Variants in PCDH9 observed in about 807,000 individuals in gnomAD.
PCDH9 encodes protocadherin 9.
In PCDH9, 24 loss-of-function variants were observed where a neutral mutation model predicts 70.6. The observed-to-expected ratio is 0.34, with a 90% confidence interval of 0.25 to 0.48. The LOEUF is 0.48. PCDH9 is among the 20% of genes least tolerant of loss of function. The probability of loss-of-function intolerance (pLI) is 0.99; values close to 1 mark genes in which losing one functional copy is unlikely to be tolerated. For missense variants in PCDH9, 1,281 were observed against 1,503.6 expected, an observed-to-expected ratio of 0.85 and a Z score of 2.45; for synonymous variants, 562 against 558.5, an observed-to-expected ratio of 1.01 and a Z score of -0.09.
chr13:66,345,833 G>T (rs1050385885), intron 4 of PCDH9, among the ~76,000 whole-genome samples: 1 of 152,054 alleles, frequency 6.6e-6, no homozygotes. Flanking sequence ...AGCAGAACAG[G>T]CTGACTTTAA....
intron 2 of PCDH9, among the ~76,000 whole-genome samples, chr13:66,908,777 T>A (rs2082407305): frequency 6.6e-6 from 1 of 152,170 alleles, no homozygotes. Context: ...TTTTGTTATC[T>A]TTAATCATAA....
intron 2 of PCDH9, among the ~76,000 whole-genome samples, chr13:67,037,458 ATTTTTTGTTTGTTTG>A (rs1489939832): frequency 1.3e-5 from 2 of 152,090 alleles, no homozygotes; most frequent in African/African-American, 2.4e-5. Flanking sequence ...ATTTTAAAGG[ATTTTTTGTTTGTTTG>A]TTTTTTGTTT....
chr13:66,938,259 C>T (rs942658302), intron 2 of PCDH9, among the ~76,000 whole-genome samples: 3 of 151,862 alleles, frequency 2.0e-5, no homozygotes, highest in Non-Finnish European at 4.4e-5. Flanking sequence ...GCTTCTTAAA[C>T]GAAAATAATT....
chr13:67,195,145 ACTTT>A (rs1196826287), intron 2 of PCDH9, among the ~76,000 whole-genome samples: 3 of 150,494 alleles, frequency 2.0e-5, no homozygotes, highest in Non-Finnish European at 4.4e-5. Flanking sequence ...TTATTTTCAT[ACTTT>A]CTTTTTTTTT....
chr13:66,659,539 T>TGTGTGTGTGTGTGTGTG (rs1566487710), intron 3 of PCDH9, among the ~76,000 whole-genome samples: 1 of 30,270 alleles, frequency 3.3e-5, no homozygotes, highest in Non-Finnish European at 6.9e-5. Flanking sequence ...TAAGTTATGT[T>TGTGTGTGTGTGTGTGTG]TGTGTGTGTG....
chr13:66,736,906 C>A (rs1187271083), intron 3 of PCDH9, among the ~76,000 whole-genome samples: 1 of 152,168 alleles, frequency 6.6e-6, no homozygotes, highest in Non-Finnish European at 1.5e-5. Context: ...CCGATTCAAC[C>A]CTTAACTGCC....
Position 66,648,434 on chromosome 13 carries a change from T to C in PCDH9, c.3139-17023A>G, listed in dbSNP as rs1317759441. Among the ~76,000 whole-genome samples the C allele has an allele frequency of 2.0e-5, 3 of 152,242 alleles. No homozygotes were observed. In the East Asian group the frequency reaches 5.8e-4, roughly 29 times the overall value. The stretch of plus-strand genomic sequence containing the variant: ...TTTCTGCCTGTAATCCAGAGAATTC[T>C]TCTGGACCTTATCGTAGACCACCAA... On this transcript the variant is annotated intron_variant, in intron 3 of 4. Transcript: ENST00000377865.
At chr13:66,348,424 G>C (rs1047536471) in intron 4 of PCDH9, among the ~76,000 whole-genome samples, 2 of 149,770 alleles carry the variant, frequency 1.3e-5, no homozygotes, top group African/African-American at 4.9e-5. Context: ...TTGAGACAGA[G>C]TCTCAGCCTG....
intron 3 of PCDH9, among the ~76,000 whole-genome samples, chr13:66,875,726 G>A (rs1393044497): frequency 6.6e-6 from 1 of 152,080 alleles, no homozygotes; most frequent in African/African-American, 2.4e-5. Flanking sequence ...TCTTTCTCTA[G>A]TTTATTTATA....
At chr13:67,027,562 A>C (rs1180217002) in intron 2 of PCDH9, among the ~76,000 whole-genome samples, 1 of 151,358 alleles carries the variant, frequency 6.6e-6, no homozygotes, top group East Asian at 1.9e-4. Flanking sequence ...GCCAAAATTG[A>C]CAAATGGGAT....
At chr13:67,047,397 T>C (rs1176897022) in intron 2 of PCDH9, among the ~76,000 whole-genome samples, 1 of 152,226 alleles carries the variant, frequency 6.6e-6, no homozygotes, top group African/African-American at 2.4e-5. Flanking sequence ...TAGACAACAG[T>C]GGCATTTATA....
chr13:66,972,228 G>A (rs888187010), intron 2 of PCDH9, among the ~76,000 whole-genome samples: 2 of 151,808 alleles, frequency 1.3e-5, no homozygotes, highest in African/African-American at 4.8e-5. Flanking sequence ...ATTAGACATA[G>A]AATTACTGAA....
At chr13:66,717,783 G>T (rs2078891236) in intron 3 of PCDH9, among the ~76,000 whole-genome samples, 1 of 151,854 alleles carries the variant, frequency 6.6e-6, no homozygotes, top group Non-Finnish European at 1.5e-5. Flanking sequence ...ACTCTTCCTA[G>T]ATCTGATTCT....
At chr13:66,399,002 T>G (rs1957146807) in intron 4 of PCDH9, among the ~76,000 whole-genome samples, 1 of 152,172 alleles carries the variant, frequency 6.6e-6, no homozygotes, top group Non-Finnish European at 1.5e-5. Flanking sequence ...TAGACACACC[T>G]GTAACTGAAT....
intron 2 of PCDH9, among the ~76,000 whole-genome samples, chr13:67,058,695 T>C (rs1330464419): frequency 6.6e-6 from 1 of 152,108 alleles, no homozygotes; most frequent in Non-Finnish European, 1.5e-5. Flanking sequence ...TGTAACTGCC[T>C]CACATCTGAC....
chr13:67,153,531 A>G (rs772521636), intron 2 of PCDH9, among the ~76,000 whole-genome samples: 5 of 152,128 alleles, frequency 3.3e-5, no homozygotes, highest in Non-Finnish European at 7.4e-5. Context: ...TTGTTTAAAC[A>G]TATTTTCTGT....
rs1045737655 is a variant in PCDH9, at chr13:66,483,453, C to G, written c.3340+147757G>C. On this transcript the variant is annotated intron_variant, in intron 4 of 4. Transcript: ENST00000377865. ...CCTGAAATGCAGGGTGAAGGAAGTT[C>G]CTATTACATCACCACCAACTTGGAG... 5.3e-5 allele frequency among the ~76,000 whole-genome samples: 8 copies of G among 152,136 alleles called. No individual in the cohort carries two copies. The East Asian group carries it at 1.4e-3, about 26-fold the overall frequency.
At chr13:67,122,691 T>C (rs1365014406) in intron 2 of PCDH9, among the ~76,000 whole-genome samples, 1 of 151,620 alleles carries the variant, frequency 6.6e-6, no homozygotes, top group Non-Finnish European at 1.5e-5. Context: ...GGGTAATCGC[T>C]TGAACTCGGG....
chr13:66,463,148 G>A (rs1338690458), intron 4 of PCDH9, among the ~76,000 whole-genome samples: 1 of 151,760 alleles, frequency 6.6e-6, no homozygotes, highest in Non-Finnish European at 1.5e-5. Context: ...GTAAGGAAGA[G>A]AACTACCTCC....
Sources: allele counts gnomAD v4.1 joint callset (sites outside exome capture counted in the v4.1 genomes callset), GRCh38; gene constraint gnomAD v4.1.1; transcripts MANE v1.5; gene names NCBI Gene and HGNC (gene_info 2026-07-23, HGNC 2026-07-21).